Variants in ANKRD30B observed in about 807,000 individuals in gnomAD.
The protein encoded by ANKRD30B is ankyrin repeat domain 30B.
ANKRD30B carries 144 observed loss-of-function variants against 202.2 expected under a neutral mutation model. That is an observed-to-expected ratio of 0.71 (90% CI 0.62 to 0.82). The LOEUF (loss-of-function observed/expected upper bound fraction) is 0.82. Among genes scored for constraint, ANKRD30B ranks in the 40% least tolerant of loss-of-function variants. The pLI is 0.00. For missense variants in ANKRD30B, 1,487 were observed against 1,669.1 expected (o/e 0.89, Z 1.90); for synonymous variants, 508 against 561.3 (o/e 0.91, Z 1.34).
the ANKRD30B span, among the ~76,000 whole-genome samples, chr18:14,912,700 T>G: frequency 6.6e-6 from 1 of 152,362 alleles, no homozygotes; most frequent in African/African-American, 2.4e-5. Context: ...TGGTATTAGT[T>G]CTTCGTGTGT....
At chr18:14,926,692 T>C in the ANKRD30B span, among the ~76,000 whole-genome samples, 2 of 152,178 alleles carry the variant, frequency 1.3e-5, no homozygotes, top group Non-Finnish European at 2.9e-5. Context: ...TGGGAGGCCA[T>C]GGTGGGAGGA....
chr18:14,828,723 C>T (rs192197720), intron 33 of ANKRD30B, among the ~76,000 whole-genome samples: 31 of 152,224 alleles, frequency 2.0e-4, no homozygotes, highest in African/African-American at 6.7e-4. Flanking sequence ...TAGAGATTTC[C>T]CATAGAACAT....
chr18:14,840,540 T>TA (rs1971374032), intron 36 of ANKRD30B, 48 bp from the exon 37 acceptor site: 2 of 1,047,358 alleles, frequency 1.9e-6, no homozygotes, highest in Non-Finnish European at 2.5e-6. Flanking sequence ...AAAACAAAAT[T>TA]AAAAAATAGT....
chr18:14,922,870 C>A, the ANKRD30B span, among the ~76,000 whole-genome samples: 3 of 152,080 alleles, frequency 2.0e-5, no homozygotes, highest in African/African-American at 7.2e-5. Flanking sequence ...TCCTTCATTT[C>A]GCTTGACAAG....
intron 5 of ANKRD30B, among the ~76,000 whole-genome samples, chr18:14,758,937 C>G (rs1407921686): frequency 6.6e-6 from 1 of 152,130 alleles, no homozygotes; most frequent in Non-Finnish European, 1.5e-5. Context: ...CTGTAAAATC[C>G]CATGTCATCT....
chr18:14,872,926 A>G, the ANKRD30B span, among the ~76,000 whole-genome samples: 55 of 152,118 alleles, frequency 3.6e-4, no homozygotes, highest in Non-Finnish European at 6.5e-4. Flanking sequence ...TAGAATGGAG[A>G]CATCTCAGGT....
the ANKRD30B span, among the ~76,000 whole-genome samples, chr18:14,868,172 A>G: frequency 6.6e-6 from 1 of 152,298 alleles, no homozygotes; most frequent in African/African-American, 2.4e-5. Flanking sequence ...TAATGGTGGC[A>G]GCAGCAGCAA....
chr18:14,894,562 G>A, the ANKRD30B span, among the ~76,000 whole-genome samples: 1 of 152,192 alleles, frequency 6.6e-6, no homozygotes, highest in Non-Finnish European at 1.5e-5. Flanking sequence ...GCAAAAAAAA[G>A]TGGAGGCAGT....
At chr18:14,800,321 A>G (rs1343455170) in intron 22 of ANKRD30B, among the ~76,000 whole-genome samples, 1 of 149,652 alleles carries the variant, frequency 6.7e-6, no homozygotes, top group Non-Finnish European at 1.5e-5. Context: ...TTTTTTTTAA[A>G]TTTTGATATG....
rs1912784025 is a variant in ANKRD30B at position 14,748,230 on chromosome 18, C to T, written c.-190C>T. On this transcript the variant is annotated 5_prime_UTR_variant, in exon 1 of 44. Transcript: ENST00000690538. ...TGCTCAGAATTTCTCCCGACAGAGG[C>T]CGGAGTGTTCAAGAGCTTGGCGATA... is the stretch of plus-strand genomic sequence containing the variant. 2.0e-6 allele frequency: 1 copy of T among 510,554 alleles called. No individual in the cohort carries two copies. Among genetic ancestry groups the T allele is most frequent in the Non-Finnish European group, 3.4e-6 (1 of 290,830 alleles). The allele number at this position is 510,554 out of a possible 1,614,324, so 31.6% of individuals were successfully genotyped here. A position where few individuals can be genotyped will look rare whatever the true frequency, so the allele number is the denominator to read the frequency against.
intron 7 of ANKRD30B, among the ~76,000 whole-genome samples, chr18:14,764,754 T>G (rs1424708388): frequency 1.3e-5 from 2 of 152,162 alleles, no homozygotes; most frequent in Non-Finnish European, 2.9e-5. Context: ...AGACAATATT[T>G]AAAGGCTGGA....
intron 2 of ANKRD30B, 64 bp downstream of exon 2, chr18:14,752,744 A>G: frequency 6.5e-7 from 1 of 1,535,834 alleles, no homozygotes; most frequent in Admixed American, 2.0e-5. Context: ...AATAAAAATG[A>G]ATTTAGTTGA....
At chr18:14,909,694 A>T in the ANKRD30B span, among the ~76,000 whole-genome samples, 2 of 152,206 alleles carry the variant, frequency 1.3e-5, no homozygotes, top group African/African-American at 4.8e-5. Context: ...GGCATGAGTC[A>T]CTGCGCCTGA....
intron 34 of ANKRD30B, among the ~76,000 whole-genome samples, chr18:14,835,483 T>C (rs1053965035): frequency 6.6e-6 from 1 of 151,666 alleles, no homozygotes; most frequent in Admixed American, 6.6e-5. Flanking sequence ...TTAGTCTTCA[T>C]AACTATTACA....
intron 13 of ANKRD30B, 37 bp from the exon 14 acceptor site, chr18:14,784,426 A>C: frequency 3.1e-6 from 5 of 1,612,594 alleles, no homozygotes; most frequent in Non-Finnish European, 3.4e-6. Flanking sequence ...TGAAGTACAC[A>C]TTCTTTATTG....
At chr18:14,796,286 A>G (rs752355432) in intron 17 of ANKRD30B, 37 bp downstream of exon 17, 2 of 1,609,800 alleles carry the variant, frequency 1.2e-6, no homozygotes, top group Admixed American at 1.7e-5. Flanking sequence ...AATACTAACT[A>G]CATATTTTAG....
At chr18:14,928,424 T>C in the ANKRD30B span, among the ~76,000 whole-genome samples, 27 of 152,188 alleles carry the variant, frequency 1.8e-4, no homozygotes, top group Non-Finnish European at 3.1e-4. Context: ...CCTTTCCCGA[T>C]GTGGCTTGGA....
At chr18:14,866,340 C>A in the ANKRD30B span, among the ~76,000 whole-genome samples, 6 of 151,890 alleles carry the variant, frequency 4.0e-5, no homozygotes, top group Non-Finnish European at 4.4e-5. Flanking sequence ...GGAGGGTGGC[C>A]TGAGTGGTAG....
intron 6 of ANKRD30B, among the ~76,000 whole-genome samples, chr18:14,761,100 A>T (rs1391357597): frequency 6.6e-6 from 1 of 152,232 alleles, no homozygotes; most frequent in Non-Finnish European, 1.5e-5. Context: ...ATTAGTTTAC[A>T]TGCCCTGAAT....
Sources: gnomAD v4.1 joint callset for allele counts (sites outside exome capture counted in the v4.1 genomes callset) on GRCh38, gnomAD v4.1.1 for gene constraint, MANE v1.5 for transcripts, NCBI Gene and HGNC (gene_info 2026-07-23, HGNC 2026-07-21) for gene names.